Variants in MACF1 observed in about 807,000 individuals in gnomAD.
The protein encoded by MACF1 is microtubule-actin cross-linking factor 1.
MACF1 carries 193 observed loss-of-function variants against 854.8 expected under a neutral mutation model. The observed-to-expected ratio is 0.23, with a 90% CI of 0.20 to 0.25. The LOEUF is 0.25. Among genes scored for constraint, MACF1 ranks in the 10% least tolerant of loss-of-function variants. The probability of loss-of-function intolerance (pLI) is 1.00; values close to 1 mark genes in which losing one functional copy is unlikely to be tolerated. For synonymous variants in MACF1, 3,185 were observed against 3,226.7 expected (o/e 0.99, Z 0.44); for missense variants, 7,722 against 8,929.1 (o/e 0.86, Z 5.45).
chr1:39,334,988 T>A lies in MACF1; in HGVS notation c.8400T>A (p.Thr2800=). The A allele has an allele frequency of 6.2e-7, 1 of 1,614,138 alleles. No homozygotes were observed. Among genetic ancestry groups the A allele is most frequent in the African/African-American group, 1.3e-5 (1 of 75,054 alleles). Residue 2800 remains threonine, a synonymous_variant, in exon 37 of 101, where the codon ACT becomes ACA. Coordinates refer to ENST00000564288, the MANE Select transcript of MACF1 (RefSeq NM_001394062.1). The part of the protein sequence containing the change: ...GKDMLIACNQ[T]AEMSCNKVEE... ...ATATGTTAATTGCTTGTAATCAGAC[T>A]GCTGAAATGAGTTGTAATAAAGTAG...
chr1:39,196,222 T>G (rs2148254899), intron 2 of MACF1, among the ~76,000 whole-genome samples: 1 of 152,324 alleles, frequency 6.6e-6, no homozygotes, highest in Non-Finnish European at 1.5e-5. Flanking sequence ...AGACTGGGCT[T>G]ATAATTTCCA....
chr1:39,404,149 G>GTAAATAAATAAA (rs60859213), intron 58 of MACF1, among the ~76,000 whole-genome samples: 27 of 148,540 alleles, frequency 1.8e-4, no homozygotes, highest in African/African-American at 5.0e-4. Flanking sequence ...AAATAAGTAA[G>GTAAATAAATAAA]TAAATAAATA....
intron 2 of MACF1, among the ~76,000 whole-genome samples, chr1:39,247,179 TCTC>T (rs1166881583): frequency 6.6e-6 from 1 of 150,432 alleles, no homozygotes; most frequent in Non-Finnish European, 1.5e-5. Context: ...TTCACGCCAT[TCTC>T]CTGCCTCAGC....
rs936103519 is a variant in MACF1, at chr1:39,357,912, G to A, written c.11943+19G>A. ...CTCAAAGGTAAGGGGGCAGTTCCTG[G>A]CATCCTTGGTGAAACAATCATGGCA... is the stretch of plus-strand genomic sequence containing the variant. On this transcript the variant is annotated intron_variant, in intron 45 of 100. Coordinates refer to ENST00000564288, the MANE Select transcript of MACF1 (RefSeq NM_001394062.1). 5.7e-6 allele frequency: 9 copies of A among 1,586,094 alleles called. No homozygotes were observed. The African/African-American group carries it at 1.1e-4, about 19-fold the overall frequency.
intron 2 of MACF1, among the ~76,000 whole-genome samples, chr1:39,094,084 C>G (rs563449017): frequency 6.6e-6 from 1 of 152,244 alleles, no homozygotes; most frequent in Admixed American, 6.5e-5. Context: ...AGCCCCACCC[C>G]ACTCCACTTC....
At chr1:39,367,976 G>GAAA (rs374434053) in intron 49 of MACF1, among the ~76,000 whole-genome samples, 172 bp from the exon 50 acceptor site, 4 of 106,380 alleles carry the variant, frequency 3.8e-5, no homozygotes, top group Admixed American at 9.6e-5. Flanking sequence ...GTCTCAAAAG[G>GAAA]AAAAAAAAAA....
In MACF1 at chr1:39,254,320, G is replaced by A. The variant is rs779124905; in HGVS notation, c.380G>A (p.Arg127His). 7 of 1,614,018 alleles carry A rather than the reference G, an allele frequency of 4.3e-6. No individual in the cohort carries two copies. The highest frequency in any genetic ancestry group is 2.2e-5 in the South Asian group (2 of 91,086). The change falls in exon 5 of 101, where the codon CGT (arginine) becomes CAT (histidine). Residue 127 changes from arginine to histidine, a missense_variant. By Grantham distance (29) the Arg-to-His change is conservative. Coordinates refer to ENST00000564288, the MANE Select transcript of MACF1 (RefSeq NM_001394062.1). ...DDVPREKGRM[R>H]FHRLQNVQIA... ...CAGCCCCGGGAGAAGGGCAGGATGC[G>A]TTTTCATAGGCTGCAGAATGTGCAG...
At chr1:39,477,042 AGT>A (rs1481908693) in intron 97 of MACF1, among the ~76,000 whole-genome samples, 1 of 110,696 alleles carries the variant, frequency 9.0e-6, no homozygotes. Context: ...ATATACACTT[AGT>A]GTATATATAT....
intron 2 of MACF1, among the ~76,000 whole-genome samples, chr1:39,168,277 A>G (rs1051485412): frequency 6.6e-6 from 1 of 152,206 alleles, no homozygotes; most frequent in Non-Finnish European, 1.5e-5. Context: ...AATTGATTAC[A>G]TCCCTGCCTG....
rs1644602787 is a variant in MACF1 at position 39,463,643 on chromosome 1, C to T, written c.21710C>T (p.Ala7237Val). The change falls in exon 94 of 101, where the codon GCA (alanine) becomes GTA (valine). Residue 7237 changes from alanine (A) to valine (V), a missense_variant. Physicochemically the swap from Ala to Val is moderately conservative, Grantham distance 64. Around this residue, in one of 15 missense-constraint regions of MACF1, gnomAD observed 153 missense variants for 342.5 expected, o/e 0.45. Transcript: ENST00000564288. ...AGACAAGTGGCTCAGTGCAAATGTG[C>T]AAAAAGGTTTCAGGTGGAGCAGATC... ...VTRQVAQCKC[A>V]KRFQVEQIGE... 1.9e-6 allele frequency: 3 copies of T among 1,613,488 alleles called. No individual in the cohort carries two copies. The highest frequency in any genetic ancestry group is 2.5e-6 in the Non-Finnish European group (3 of 1,179,648).
chr1:39,415,481 G>A (rs1410295656), intron 58 of MACF1, among the ~76,000 whole-genome samples: 5 of 147,368 alleles, frequency 3.4e-5, no homozygotes, highest in African/African-American at 1.2e-4. Flanking sequence ...GACTACAGGC[G>A]CCCGCCACTA....
intron 17 of MACF1, 66 bp from the exon 18 acceptor site, chr1:39,293,392 C>A: frequency 7.5e-7 from 1 of 1,338,816 alleles, no homozygotes; most frequent in Non-Finnish European, 1.0e-6. Flanking sequence ...CCTTTGATGT[C>A]AAATGTGCTA....
At chr1:39,311,490 A>G (rs771487654) in intron 26 of MACF1, among the ~76,000 whole-genome samples, 1 of 152,194 alleles carries the variant, frequency 6.6e-6, no homozygotes, top group Non-Finnish European at 1.5e-5. Flanking sequence ...AATGCACGAT[A>G]TAGGGTTATT....
At chr1:39,119,661 C>T (rs1642644419) in intron 2 of MACF1, among the ~76,000 whole-genome samples, 1 of 152,030 alleles carries the variant, frequency 6.6e-6, no homozygotes, top group Admixed American at 6.6e-5. Flanking sequence ...CTTGATATGT[C>T]CAAAAGGGGC....
At chr1:39,218,668 T>G (rs1644609078) in intron 1 of MACF1, among the ~76,000 whole-genome samples, 1 of 152,242 alleles carries the variant, frequency 6.6e-6, no homozygotes, top group Non-Finnish European at 1.5e-5. Context: ...TTACCGTGCT[T>G]ACCCCTGGAT....
At chr1:39,158,167 A>G (rs1025927864) in intron 2 of MACF1, among the ~76,000 whole-genome samples, 2 of 152,184 alleles carry the variant, frequency 1.3e-5, no homozygotes, top group Non-Finnish European at 2.9e-5. Flanking sequence ...AGTGACTGAC[A>G]CATTAAAGCA....
At chr1:39,289,208 C>A (rs183270268) in intron 15 of MACF1, among the ~76,000 whole-genome samples, 65 of 152,282 alleles carry the variant, frequency 4.3e-4, no homozygotes, top group Admixed American at 9.8e-4. Flanking sequence ...TGTGGGAATG[C>A]AGATCTCTTT....
At chr1:39,188,598 G>A (rs1030422866) in intron 2 of MACF1, among the ~76,000 whole-genome samples, 1 of 152,094 alleles carries the variant, frequency 6.6e-6, no homozygotes, top group Non-Finnish European at 1.5e-5. Flanking sequence ...AGTCTGGAAG[G>A]GCCTCATCGT....
chr1:39,453,390 AG>A (rs1311159561), intron 87 of MACF1, among the ~76,000 whole-genome samples: 6 of 152,220 alleles, frequency 3.9e-5, no homozygotes, highest in African/African-American at 1.4e-4. Flanking sequence ...GAAATGAAAT[AG>A]GATATAAATG....
Sources: allele counts gnomAD v4.1 joint callset (sites outside exome capture counted in the v4.1 genomes callset), GRCh38; gene constraint gnomAD v4.1.1; regional missense constraint gnomAD v4.1.1; transcripts MANE v1.5; gene names NCBI Gene and HGNC (gene_info 2026-07-23, HGNC 2026-07-21).